NRCAM: variants seen among roughly 807,000 people sequenced by gnomAD.
The protein encoded by NRCAM is NgCAM-related cell adhesion molecule.
A neutral mutation model predicts 156.5 loss-of-function variants in NRCAM; 83 were observed. The ratio of observed to expected loss-of-function variants is 0.53; its 90% CI spans 0.44 to 0.64. The LOEUF (loss-of-function observed/expected upper bound fraction) is 0.64. Among genes scored for constraint, NRCAM ranks in the 30% least tolerant of loss-of-function variants. The pLI, the probability that NRCAM is intolerant of heterozygous loss-of-function variation, is 0.00. For synonymous variants in NRCAM, 538 were observed against 563.9 expected, an observed-to-expected ratio of 0.95 and a Z score of 0.65; for missense variants, 1,417 against 1,597.3, an observed-to-expected ratio of 0.89 and a Z score of 1.92.
chr7:108,186,783 GCTT>G (rs1251569639), intron 20 of NRCAM, among the ~76,000 whole-genome samples: 4 of 152,096 alleles, frequency 2.6e-5, no homozygotes, highest in Non-Finnish European at 2.9e-5. Flanking sequence ...ACATTGTAAA[GCTT>G]CTCTTATATA....
intron 3 of NRCAM, among the ~76,000 whole-genome samples, chr7:108,305,330 C>T (rs934582822): frequency 1.1e-4 from 16 of 152,236 alleles, no homozygotes; most frequent in Non-Finnish European, 1.6e-4. Context: ...ACACTTGGAA[C>T]GTAGATATAT....
At chr7:108,387,867 G>T (rs2099746168) in intron 2 of NRCAM, among the ~76,000 whole-genome samples, 1 of 152,092 alleles carries the variant, frequency 6.6e-6, no homozygotes, top group Non-Finnish European at 1.5e-5. Context: ...CTTCATCCAT[G>T]TCCCTGCAAA....
chr7:108,397,393 T>C (rs1307618129), intron 2 of NRCAM, among the ~76,000 whole-genome samples: 3 of 152,264 alleles, frequency 2.0e-5, no homozygotes, highest in East Asian at 3.9e-4. Flanking sequence ...AATAGTACTA[T>C]TGTAAGTATT....
intron 32 of NRCAM, among the ~76,000 whole-genome samples, chr7:108,154,837 A>AT (rs963181089): frequency 7.3e-5 from 11 of 151,286 alleles, no homozygotes; most frequent in Non-Finnish European, 1.3e-4. Context: ...CTTCAGAGAG[A>AT]TTTTTTTTTC....
Position 108,288,518 on chromosome 7 carries a change from G to A in NRCAM, c.-107+24147C>T, listed in dbSNP as rs558259659. The stretch of plus-strand genomic sequence containing the variant: ...TACATGCATCTTTATATGCCAATTA[G>A]TTTAGATTTAATAAGAAACTTATGT... On this transcript the variant is annotated intron_variant, in intron 3 of 32. Coordinates refer to ENST00000379028, the MANE Select transcript of NRCAM (RefSeq NM_001037132.4). Among the ~76,000 whole-genome samples, 170 of 152,148 alleles carry A rather than the reference G, an allele frequency of 1.1e-3. 1 individual carries two copies. Among genetic ancestry groups the A allele is most frequent in the African/African-American group, 3.8e-3 (159 of 41,536 alleles).
intron 2 of NRCAM, among the ~76,000 whole-genome samples, chr7:108,351,041 C>G (rs1440375224): frequency 6.6e-6 from 1 of 152,158 alleles, no homozygotes; most frequent in Non-Finnish European, 1.5e-5. Flanking sequence ...AGGGGTGCTA[C>G]GATTTGAATA....
rs73713103 is a variant in NRCAM, at chr7:108,450,133, G to A, written c.-332+6110C>T. Reference sequence around the variant, plus strand: ...TGTTTTAGTCCAGGGCAATATGGAAGAAATTCGGAGAGCACATAATACAAG... The same window carrying A: ...TGTTTTAGTCCAGGGCAATATGGAAAAAATTCGGAGAGCACATAATACAAG... On this transcript the variant is annotated intron_variant, in intron 1 of 32. Transcript: ENST00000379028. Among the ~76,000 whole-genome samples the A allele has an allele frequency of 5.4e-3, 821 of 152,160 alleles. 8 individuals carry two copies. Among genetic ancestry groups the A allele is most frequent in the African/African-American group, 0.019 (793 of 41,506 alleles).
At chr7:108,440,632 T>C (rs1240809701) in intron 1 of NRCAM, among the ~76,000 whole-genome samples, 3 of 152,200 alleles carry the variant, frequency 2.0e-5, no homozygotes, top group Non-Finnish European at 4.4e-5. Context: ...TAAAGGTAAC[T>C]CTACTGATTG....
intron 29 of NRCAM, among the ~76,000 whole-genome samples, chr7:108,167,368 G>A (rs1349842607): frequency 6.6e-6 from 1 of 152,130 alleles, no homozygotes; most frequent in East Asian, 1.9e-4. Context: ...TCTGCACCTT[G>A]CCTTATGAAA....
chr7:108,315,146 C>T (rs904770091), intron 2 of NRCAM, among the ~76,000 whole-genome samples: 1 of 152,078 alleles, frequency 6.6e-6, no homozygotes, highest in East Asian at 1.9e-4. Context: ...ATTTGTGCAA[C>T]ATGCAAAACT....
chr7:108,199,769 C>G (rs1053282853), intron 13 of NRCAM, among the ~76,000 whole-genome samples: 1 of 152,172 alleles, frequency 6.6e-6, no homozygotes, highest in Non-Finnish European at 1.5e-5. Context: ...ACCTTAATCA[C>G]ATGTGCAAAT....
At chr7:108,420,070 G>GTA (rs1426392426) in intron 1 of NRCAM, among the ~76,000 whole-genome samples, 2 of 149,972 alleles carry the variant, frequency 1.3e-5, no homozygotes, top group Non-Finnish European at 3.0e-5. Flanking sequence ...GTGTGTGTGT[G>GTA]TTTATTTTTA....
chr7:108,337,741 AGCCTGCCACCATCTGGGAAGCG>A (rs909667307), intron 2 of NRCAM, among the ~76,000 whole-genome samples: 5 of 152,006 alleles, frequency 3.3e-5, no homozygotes, highest in African/African-American at 1.2e-4. Context: ...TCTTGGAAGC[AGCCTGCCACCATCTGGGAAGCG>A]GCCTGCCACC....
At chr7:108,263,164 C>T (rs1371927859) in intron 3 of NRCAM, among the ~76,000 whole-genome samples, 1 of 152,190 alleles carries the variant, frequency 6.6e-6, no homozygotes, top group African/African-American at 2.4e-5. Context: ...GCAGAAAACC[C>T]CCAATTTCAT....
chr7:108,259,615 C>A (rs925167940), intron 3 of NRCAM, among the ~76,000 whole-genome samples: 16 of 152,018 alleles, frequency 1.1e-4, no homozygotes, highest in African/African-American at 3.4e-4. Flanking sequence ...AGTGATAGAT[C>A]GGATAAAGAA....
intron 2 of NRCAM, among the ~76,000 whole-genome samples, chr7:108,385,960 T>A (rs191608961): frequency 3.3e-4 from 50 of 152,006 alleles, no homozygotes; most frequent in African/African-American, 1.2e-3. Context: ...TGAATATCAA[T>A]GCGAGTATGT....
intron 1 of NRCAM, among the ~76,000 whole-genome samples, chr7:108,450,814 T>C (rs556547937): frequency 9.2e-5 from 14 of 152,314 alleles, no homozygotes; most frequent in South Asian, 2.1e-4. Context: ...ATGTAATCAA[T>C]TAATACTTGT....
At chr7:108,173,652 G>C (rs2059393069) in intron 28 of NRCAM, among the ~76,000 whole-genome samples, 1 of 152,034 alleles carries the variant, frequency 6.6e-6, no homozygotes, top group Non-Finnish European at 1.5e-5. Flanking sequence ...TAAAATTAAG[G>C]TCAGAGTTAG....
chr7:108,191,141 C>A, intron 19 of NRCAM, 113 bp downstream of exon 19: 1 of 799,726 alleles, frequency 1.3e-6, no homozygotes, highest in Non-Finnish European at 2.0e-6. Context: ...CTGACAGAGA[C>A]CTTTTCCTTA....
Sources: gnomAD v4.1 joint callset for allele counts (sites outside exome capture counted in the v4.1 genomes callset) on GRCh38, gnomAD v4.1.1 for gene constraint, MANE v1.5 for transcripts, NCBI Gene and HGNC (gene_info 2026-07-23, HGNC 2026-07-21) for gene names.